Variants in FBXO15 observed in about 807,000 individuals in gnomAD.
FBXO15 encodes the protein F-box protein 15, also known as F-box only protein 15.
FBXO15 carries 30 observed loss-of-function variants against 49.5 expected under a neutral mutation model. The observed-to-expected ratio is 0.61, with a 90% CI of 0.45 to 0.82. The LOEUF is 0.82. Ranked by LOEUF, FBXO15 falls within the 40% of genes least tolerant of loss-of-function variation. The pLI is 0.00. For synonymous variants in FBXO15, 250 were observed against 232.7 expected (o/e 1.07, Z -0.68); for missense variants, 591 against 631.5 (o/e 0.94, Z 0.69).
At chr18:74,078,882 C>T (rs1022434483) in intron 9 of FBXO15, among the ~76,000 whole-genome samples, 2 of 152,108 alleles carry the variant, frequency 1.3e-5, no homozygotes, top group Admixed American at 6.5e-5. Flanking sequence ...GTTCTTCCTG[C>T]GATTTTCGGT....
At position 74,074,942 on chromosome 18, in the gene FBXO15, T is replaced by C. The variant is rs1480814481; in HGVS notation, c.1264-1212A>G. On this transcript the variant is annotated intron_variant, in intron 9 of 9. Transcript: ENST00000419743. The surrounding 1 kb of genome is among the most constrained non-coding windows in gnomAD (Gnocchi z 4.7). The stretch of plus-strand genomic sequence containing the variant: ...TTTGCTGGAATAACACTCTTGCCAA[T>C]GCACATACCTCCCTCACTCCCCTTG... Among the ~76,000 whole-genome samples, 2 of 152,146 alleles carry C rather than the reference T, an allele frequency of 1.3e-5. No homozygotes were observed. The highest frequency in any genetic ancestry group is 2.9e-5 in the Non-Finnish European group (2 of 68,014).
intron 8 of FBXO15, chr18:74,099,879 TA>T (rs1913434667): frequency 6.6e-6 from 1 of 152,114 alleles, no homozygotes; most frequent in African/African-American, 2.4e-5. Context: ...GTCCTAAAAA[TA>T]TATGCACCTA....
At chr18:74,111,093 C>G (rs1385367172) in intron 8 of FBXO15, among the ~76,000 whole-genome samples, 1 of 151,760 alleles carries the variant, frequency 6.6e-6, no homozygotes, top group East Asian at 1.9e-4. Flanking sequence ...CATCATACAA[C>G]AAGAGCAGAA....
chr18:74,133,015 C>G (rs1978493145), intron 3 of FBXO15, among the ~76,000 whole-genome samples: 1 of 152,216 alleles, frequency 6.6e-6, no homozygotes, highest in South Asian at 2.1e-4. Context: ...TGCTTGCCCT[C>G]TCTTCAGAAG....
intron 3 of FBXO15, chr18:74,130,916 A>C: frequency 2.9e-6 from 1 of 348,668 alleles, no homozygotes; most frequent in Non-Finnish European, 5.3e-6. Flanking sequence ...GAGTAATCTC[A>C]CGTTATTTAG....
chr18:74,122,701 C>T (rs1914524685), intron 8 of FBXO15: 1 of 152,168 alleles, frequency 6.6e-6, no homozygotes, highest in African/African-American at 2.4e-5. Context: ...ATATACCTCT[C>T]AATATAATGC....
intron 9 of FBXO15, among the ~76,000 whole-genome samples, chr18:74,079,540 T>C (rs1341486927): frequency 6.6e-6 from 1 of 152,230 alleles, no homozygotes; most frequent in Non-Finnish European, 1.5e-5. Context: ...ATGTTTATTT[T>C]ACCACAATTA....
At chr18:74,115,715 C>T (rs1376969293) in intron 8 of FBXO15, among the ~76,000 whole-genome samples, 7 of 152,128 alleles carry the variant, frequency 4.6e-5, no homozygotes, top group African/African-American at 1.7e-4. Flanking sequence ...AAGATATACA[C>T]TGATATATAG....
intron 6 of FBXO15, among the ~76,000 whole-genome samples, chr18:74,125,664 G>A (rs1914676115): frequency 6.6e-6 from 1 of 152,158 alleles, no homozygotes; most frequent in South Asian, 2.1e-4. Context: ...GATTGGAAGT[G>A]GGAAAGCCAC....
chr18:74,092,200 G>A (rs111599097), intron 8 of FBXO15, among the ~76,000 whole-genome samples: 2 of 152,070 alleles, frequency 1.3e-5, no homozygotes, highest in Middle Eastern at 3.2e-3. Context: ...TGAAATTCTT[G>A]AAGTGAGTTT....
intron 5 of FBXO15, among the ~76,000 whole-genome samples, chr18:74,128,035 G>C (rs1433735774): frequency 6.6e-6 from 1 of 152,092 alleles, no homozygotes; most frequent in Non-Finnish European, 1.5e-5. Context: ...GAAAAAGCTG[G>C]CTTCCTTCAT....
chr18:74,073,596 C>T lies in FBXO15; in HGVS notation c.1398G>A (p.Val466=), dbSNP rs1171681834. ...SSSFLGQTYN[V]DYVDAEGRVH... Reference sequence around the variant, plus strand: ...CTCTTCCTTCCGCATCAACGTAGTCCACGTTGTATGTCTGTCCCAAGAAGC... The same window carrying T: ...CTCTTCCTTCCGCATCAACGTAGTCTACGTTGTATGTCTGTCCCAAGAAGC... Residue 466 remains valine (V), a synonymous_variant, in exon 10 of 10, where the codon GTG becomes GTA. Transcript: ENST00000419743. 6.2e-7 allele frequency: 1 copy of T among 1,614,056 alleles called. No homozygotes were observed. The highest frequency in any genetic ancestry group is 1.3e-5 in the African/African-American group (1 of 74,916).
chr18:74,140,579 T>C (rs1388816178), intron 1 of FBXO15: 2 of 342,816 alleles, frequency 5.8e-6, no homozygotes, highest in East Asian at 5.3e-5. Context: ...GAGACCTTGA[T>C]GGTAAGGAAG....
At chr18:74,147,520 C>T (rs1979514018) in intron 1 of FBXO15, 150 bp downstream of exon 1, 1 of 1,257,626 alleles carries the variant, frequency 8.0e-7, no homozygotes, top group Non-Finnish European at 1.0e-6. Context: ...GAAAGGATTT[C>T]CTCCGGTCGT....
At chr18:74,090,812 T>C (rs1286927235) in intron 8 of FBXO15, among the ~76,000 whole-genome samples, 1 of 152,202 alleles carries the variant, frequency 6.6e-6, no homozygotes, top group Non-Finnish European at 1.5e-5. Context: ...CTGATGATTG[T>C]TTTATGTCTG....
chr18:74,095,350 T>G (rs937938053), intron 8 of FBXO15, among the ~76,000 whole-genome samples: 1 of 152,212 alleles, frequency 6.6e-6, no homozygotes, highest in African/African-American at 2.4e-5. Context: ...CTCACTAAAC[T>G]TAATCACTTC....
chr18:74,102,622 A>G (rs1049967429), intron 8 of FBXO15, among the ~76,000 whole-genome samples: 5 of 152,218 alleles, frequency 3.3e-5, no homozygotes, highest in African/African-American at 1.2e-4. Flanking sequence ...CCAGAGGAAA[A>G]TAAGTCATTA....
chr18:74,132,347 A>C (rs1978444291), intron 3 of FBXO15, among the ~76,000 whole-genome samples: 1 of 152,194 alleles, frequency 6.6e-6, no homozygotes, highest in African/African-American at 2.4e-5. Context: ...TGGAGCCTTG[A>C]ATTCCTCACA....
At chr18:74,133,746 C>T (rs186343477) in intron 3 of FBXO15, among the ~76,000 whole-genome samples, 29 of 152,252 alleles carry the variant, frequency 1.9e-4, no homozygotes, top group African/African-American at 5.3e-4. Context: ...AAAACCAAGG[C>T]GAGCCAACTG....
Sources: gnomAD v4.1 joint callset for allele counts (sites outside exome capture counted in the v4.1 genomes callset) on GRCh38, gnomAD v4.1.1 for gene constraint, Gnocchi (gnomAD v3.1) non-coding constraint, MANE v1.5 for transcripts, NCBI Gene and HGNC (gene_info 2026-07-23, HGNC 2026-07-21) for gene names.